The following RBFOX1 variants were observed in gnomAD, a reference collection of about 807,000 sequenced individuals.
RBFOX1 encodes RNA binding protein fox-1 homolog 1.
Under a neutral mutation model 57.7 loss-of-function variants are expected in RBFOX1, and 8 were observed. The observed-to-expected ratio is 0.14, with a 90% CI of 0.08 to 0.25. RBFOX1 has a LOEUF of 0.25. RBFOX1 is among the 10% of genes least tolerant of loss of function. The probability of loss-of-function intolerance (pLI) is 1.00; values close to 1 mark genes in which losing one functional copy is unlikely to be tolerated. For synonymous variants in RBFOX1, 326 were observed against 222.4 expected (o/e 1.47, Z -4.15); for missense variants, 611 against 548.5 (o/e 1.11, Z -1.14).
At chr16:7,298,289 T>G (rs1172711042) in intron 4 of RBFOX1, among the ~76,000 whole-genome samples, 2 of 134,150 alleles carry the variant, frequency 1.5e-5, no homozygotes, top group African/African-American at 2.8e-5. Flanking sequence ...TTTTTTGTTT[T>G]TTTTTTTTTT....
intron 1 of RBFOX1, among the ~76,000 whole-genome samples, chr16:5,324,355 C>G (rs1201254580): frequency 6.6e-6 from 1 of 152,126 alleles, no homozygotes; most frequent in Non-Finnish European, 1.5e-5. Flanking sequence ...CCCAGCTACT[C>G]AGGAGGCTGA....
At chr16:6,896,745 G>C (rs1225973997) in intron 3 of RBFOX1, among the ~76,000 whole-genome samples, 1 of 152,150 alleles carries the variant, frequency 6.6e-6, no homozygotes, top group African/African-American at 2.4e-5. Context: ...CGAGGTCTGT[G>C]GATTGCTCCC....
intron 4 of RBFOX1, among the ~76,000 whole-genome samples, chr16:7,100,462 C>T (rs2062484611): frequency 6.6e-6 from 1 of 151,884 alleles, no homozygotes; most frequent in Non-Finnish European, 1.5e-5. Flanking sequence ...ACCCATTTTC[C>T]TCCAAAACAG....
In RBFOX1 at chr16:7,462,385, C is replaced by T. The variant is rs2059744017; in HGVS notation, c.28-55762C>T. ...TGGTGGGCTCCTTTAATCCCAGCTA[C>T]TCAGGGGGCTGAGGAGAATCACTTA... On this transcript the variant is annotated intron_variant, in intron 4 of 15. Transcript: ENST00000550418. Among the ~76,000 whole-genome samples, 4 of 152,312 alleles carry T rather than the reference C, an allele frequency of 2.6e-5. No individual in the cohort carries two copies. The South Asian group carries it at 8.3e-4, about 32-fold the overall frequency.
At chr16:5,773,414 G>A (rs914139542) in intron 3 of RBFOX1, among the ~76,000 whole-genome samples, 4 of 152,158 alleles carry the variant, frequency 2.6e-5, no homozygotes, top group Non-Finnish European at 5.9e-5. Flanking sequence ...TGAGATCATA[G>A]TATGCATATT....
chr16:6,539,125 A>G (rs562384004), intron 2 of RBFOX1, among the ~76,000 whole-genome samples: 2 of 45,242 alleles, frequency 4.4e-5, no homozygotes, highest in South Asian at 1.5e-3. Context: ...ATATTTGGTG[A>G]AAAAAAAAAA....
chr16:6,889,449 A>C (rs961246197), intron 3 of RBFOX1, among the ~76,000 whole-genome samples: 1 of 152,254 alleles, frequency 6.6e-6, no homozygotes, highest in Non-Finnish European at 1.5e-5. Context: ...CGTGGAACAG[A>C]TAACTTTGAG....
At chr16:5,613,112 C>T (rs1019970237) in intron 3 of RBFOX1, among the ~76,000 whole-genome samples, 23 of 152,110 alleles carry the variant, frequency 1.5e-4, no homozygotes, top group African/African-American at 5.6e-4. Context: ...TGTGAAGATT[C>T]CTCAGGTTTC....
chr16:6,476,159 T>C (rs1047336433), intron 2 of RBFOX1, among the ~76,000 whole-genome samples: 1 of 152,104 alleles, frequency 6.6e-6, no homozygotes, highest in African/African-American at 2.4e-5. Context: ...TTACATCTGT[T>C]TGAAAAATAG....
chr16:7,478,321 T>C lies in RBFOX1; in HGVS notation c.28-39826T>C, dbSNP rs185427146. On this transcript the variant is annotated intron_variant, in intron 4 of 15. Transcript: ENST00000550418. ...ACCTTGTTCAAATAGCTAAAAGGGA[T>C]AGCAAGAGGAAGATAGACTTTACTC... Among the ~76,000 whole-genome samples the C allele has an allele frequency of 4.2e-3, 635 of 152,166 alleles. 1 individual carries two copies. Among genetic ancestry groups the C allele is most frequent in the Non-Finnish European group, 5.3e-3 (358 of 68,000 alleles).
At chr16:7,465,598 C>G (rs568535902) in intron 4 of RBFOX1, among the ~76,000 whole-genome samples, 1 of 152,322 alleles carries the variant, frequency 6.6e-6, no homozygotes, top group East Asian at 1.9e-4. Context: ...GGTAATACTT[C>G]ACTAGCTTCC....
chr16:6,924,250 C>G (rs1468540769), intron 3 of RBFOX1, among the ~76,000 whole-genome samples: 1 of 152,012 alleles, frequency 6.6e-6, no homozygotes, highest in Non-Finnish European at 1.5e-5. Context: ...TTATTTGACT[C>G]ACAGTTCTGC....
intron 4 of RBFOX1, among the ~76,000 whole-genome samples, chr16:5,910,153 G>A (rs564075332): frequency 2.0e-5 from 3 of 152,262 alleles, no homozygotes; most frequent in East Asian, 3.9e-4. Context: ...TCACATGGGG[G>A]TTTGTGAAGC....
intron 4 of RBFOX1, among the ~76,000 whole-genome samples, chr16:7,102,478 G>C (rs768256033): frequency 6.6e-6 from 1 of 152,290 alleles, no homozygotes; most frequent in Non-Finnish European, 1.5e-5. Flanking sequence ...TATGAATCAT[G>C]AGATTTAATA....
intron 4 of RBFOX1, among the ~76,000 whole-genome samples, chr16:7,396,306 C>T (rs1172232215): frequency 6.6e-6 from 1 of 152,152 alleles, no homozygotes; most frequent in East Asian, 1.9e-4. Flanking sequence ...CAAACTGTGG[C>T]CCCTGAGCAA....
intron 2 of RBFOX1, among the ~76,000 whole-genome samples, chr16:6,509,700 T>A (rs1395857895): frequency 6.6e-6 from 1 of 152,182 alleles, no homozygotes; most frequent in African/African-American, 2.4e-5. Flanking sequence ...TCGGATTGTT[T>A]GCAGCACAAA....
chr16:7,702,567 G>C (rs1243314745), intron 14 of RBFOX1, among the ~76,000 whole-genome samples: 3 of 152,338 alleles, frequency 2.0e-5, no homozygotes, highest in East Asian at 3.9e-4. Flanking sequence ...AGTTGGATGA[G>C]AGAAGGAAGT....
intron 2 of RBFOX1, among the ~76,000 whole-genome samples, chr16:6,628,715 G>T (rs143732304): frequency 1.3e-5 from 2 of 152,230 alleles, no homozygotes; most frequent in South Asian, 4.2e-4. Flanking sequence ...TGAAGGGACC[G>T]TTTGATGAGG....
At chr16:7,045,309 A>G (rs753670190) in intron 3 of RBFOX1, among the ~76,000 whole-genome samples, 7 of 152,314 alleles carry the variant, frequency 4.6e-5, no homozygotes, top group Non-Finnish European at 7.4e-5. Context: ...TTGTCACTAG[A>G]ATATAAGCAA....
Sources: gnomAD v4.1 joint callset for allele counts (sites outside exome capture counted in the v4.1 genomes callset) on GRCh38, gnomAD v4.1.1 for gene constraint, MANE v1.5 for transcripts, NCBI Gene and HGNC (gene_info 2026-07-23, HGNC 2026-07-21) for gene names.